Variants in KAZN observed in about 807,000 individuals in gnomAD.
KAZN encodes kazrin.
A neutral mutation model predicts 87.4 loss-of-function variants in KAZN; 40 were observed. The observed-to-expected ratio is 0.46, with a 90% CI of 0.36 to 0.60. The LOEUF (loss-of-function observed/expected upper bound fraction) is 0.60, where lower values mean the gene tolerates loss of function less well. Ranked by LOEUF, KAZN falls within the 20% of genes least tolerant of loss-of-function variation. The probability of loss-of-function intolerance (pLI) is 0.00; values close to 1 mark genes in which losing one functional copy is unlikely to be tolerated. For missense variants in KAZN, 898 were observed against 1,073.9 expected (o/e 0.84, Z 2.29); for synonymous variants, 466 against 458.3 (o/e 1.02, Z -0.22).
intron 2 of KAZN, among the ~76,000 whole-genome samples, chr1:14,267,339 C>T (rs967303920): frequency 7.6e-6 from 1 of 130,934 alleles, no homozygotes; most frequent in South Asian, 2.5e-4. Flanking sequence ...ACATAAAATA[C>T]ACTAACAATA....
intron 1 of KAZN, among the ~76,000 whole-genome samples, chr1:14,826,764 T>C (rs1646901129): frequency 6.6e-6 from 1 of 152,202 alleles, no homozygotes. Context: ...ACCTGGAATT[T>C]CCTGTTTCCC....
intron 1 of KAZN, among the ~76,000 whole-genome samples, chr1:13,958,336 C>CGAG (rs1641623160): frequency 6.6e-6 from 1 of 151,952 alleles, no homozygotes; most frequent in Non-Finnish European, 1.5e-5. Flanking sequence ...TTTGGGAGGC[C>CGAG]GAGGCGGGCG....
chr1:13,961,920 C>T (rs893672297), intron 1 of KAZN, among the ~76,000 whole-genome samples: 3 of 152,178 alleles, frequency 2.0e-5, no homozygotes, highest in African/African-American at 7.2e-5. Context: ...GAACGTGGCC[C>T]TGCCCTCTTG....
chr1:14,512,946 G>A (rs552221397), intron 2 of KAZN, among the ~76,000 whole-genome samples: 1 of 152,302 alleles, frequency 6.6e-6, no homozygotes, highest in South Asian at 2.1e-4. Context: ...GGTCTGAAAA[G>A]CAGGCAAGTT....
intron 2 of KAZN, among the ~76,000 whole-genome samples, chr1:14,995,953 T>C (rs778383759): frequency 4.6e-5 from 7 of 152,100 alleles, no homozygotes; most frequent in Non-Finnish European, 4.4e-5. Context: ...CAACTTGTCC[T>C]GGAAAATAAG....
chr1:14,786,690 G>GA (rs1017199172), intron 1 of KAZN, among the ~76,000 whole-genome samples: 29 of 151,950 alleles, frequency 1.9e-4, no homozygotes, highest in African/African-American at 7.0e-4. Flanking sequence ...TCAGGATAAA[G>GA]AAAAAAAATA....
At chr1:14,201,419 C>T (rs1278871141) in intron 2 of KAZN, among the ~76,000 whole-genome samples, 1 of 152,208 alleles carries the variant, frequency 6.6e-6, no homozygotes, top group African/African-American at 2.4e-5. Context: ...TCTCCAATGA[C>T]ATAGCTGACT....
At position 14,349,590 on chromosome 1, in the gene KAZN, A is replaced by G. The variant is rs376361057; in HGVS notation, c.249+168998A>G. Among the ~76,000 whole-genome samples the G allele has an allele frequency of 7.4e-4, 113 of 152,302 alleles. 2 individuals carry two copies. The South Asian group carries it at 0.023, about 31-fold the overall frequency. ...GCTGAAAGATCCATTGCCATTTATC[A>G]TCTTGCACTGAGCCCACTTTGTTTG... On this transcript the variant is annotated intron_variant, in intron 2 of 16. Transcript: ENST00000636203.
chr1:13,987,769 A>C (rs527961383), intron 1 of KAZN, among the ~76,000 whole-genome samples: 1 of 152,290 alleles, frequency 6.6e-6, no homozygotes, highest in Non-Finnish European at 1.5e-5. Flanking sequence ...TAGTGTTACA[A>C]TGTCAATTAA....
At chr1:14,243,190 T>G (rs574628897) in intron 2 of KAZN, among the ~76,000 whole-genome samples, 2 of 152,284 alleles carry the variant, frequency 1.3e-5, no homozygotes, top group East Asian at 3.9e-4. Context: ...TTCCTTCTCT[T>G]GGGCTCTCTC....
intron 2 of KAZN, among the ~76,000 whole-genome samples, chr1:14,275,624 A>G (rs528149568): frequency 1.3e-5 from 2 of 152,280 alleles, no homozygotes; most frequent in South Asian, 4.1e-4. Flanking sequence ...GTGTGTATTC[A>G]TAAGGCCATT....
At chr1:14,978,113 G>T (rs534992964) in intron 2 of KAZN, among the ~76,000 whole-genome samples, 1 of 152,042 alleles carries the variant, frequency 6.6e-6, no homozygotes, top group Non-Finnish European at 1.5e-5. Context: ...CTCCCTCCCC[G>T]TGGCCTTCCT....
chr1:14,016,653 G>A (rs1403210554), intron 1 of KAZN, among the ~76,000 whole-genome samples: 4 of 152,102 alleles, frequency 2.6e-5, no homozygotes, highest in Non-Finnish European at 5.9e-5. Flanking sequence ...TCCATAAGCT[G>A]CTCCCCAAAT....
chr1:13,934,146 A>G (rs1640632957), intron 1 of KAZN, among the ~76,000 whole-genome samples: 1 of 152,252 alleles, frequency 6.6e-6, no homozygotes, highest in African/African-American at 2.4e-5. Flanking sequence ...TATAAAAGTA[A>G]CAGCAAAGAA....
chr1:13,982,639 T>C (rs1255463010), intron 1 of KAZN, among the ~76,000 whole-genome samples: 2 of 152,184 alleles, frequency 1.3e-5, no homozygotes, highest in Non-Finnish European at 2.9e-5. Flanking sequence ...GTGGTCTGTT[T>C]TGACAGGGCG....
intron 2 of KAZN, among the ~76,000 whole-genome samples, chr1:14,582,689 A>G (rs1263898673): frequency 6.6e-6 from 1 of 152,150 alleles, no homozygotes; most frequent in Admixed American, 6.5e-5. Context: ...TAGACTTGGA[A>G]AAGAGATTTG....
chr1:14,194,211 G>A (rs534945966), intron 2 of KAZN, among the ~76,000 whole-genome samples: 39 of 152,112 alleles, frequency 2.6e-4, no homozygotes, highest in Non-Finnish European at 4.9e-4. Flanking sequence ...ACGCATGGGG[G>A]CAAACAAGCA....
chr1:14,085,492 C>G (rs1643826972), intron 1 of KAZN, among the ~76,000 whole-genome samples: 1 of 152,168 alleles, frequency 6.6e-6, no homozygotes, highest in African/African-American at 2.4e-5. Flanking sequence ...TTTGCTTGCT[C>G]TAGAGTTTTA....
chr1:14,575,188 G>A (rs1230327216), intron 2 of KAZN, among the ~76,000 whole-genome samples: 1 of 152,144 alleles, frequency 6.6e-6, no homozygotes, highest in Non-Finnish European at 1.5e-5. Flanking sequence ...TGGGATTTCA[G>A]TTGGTTGGGG....
Sources: allele counts gnomAD v4.1 joint callset (sites outside exome capture counted in the v4.1 genomes callset), GRCh38; gene constraint gnomAD v4.1.1; transcripts MANE v1.5; gene names NCBI Gene and HGNC (gene_info 2026-07-23, HGNC 2026-07-21).